Variants in EMCN observed in about 807,000 individuals in gnomAD.
EMCN encodes MUC-14.
EMCN carries 37 observed loss-of-function variants against 38.4 expected under a neutral mutation model. The ratio of observed to expected loss-of-function variants is 0.96; its 90% CI spans 0.74 to 1.27. EMCN has a LOEUF of 1.27. Ranked by LOEUF, EMCN falls within the 50% of genes most tolerant of loss-of-function variation. EMCN has a pLI of 0.00. For missense variants in EMCN, 318 were observed against 302.8 expected (o/e 1.05, Z -0.37); for synonymous variants, 95 against 100.8 (o/e 0.94, Z 0.35).
intron 1 of EMCN, among the ~76,000 whole-genome samples, chr4:100,504,759 G>T (rs971633789): frequency 6.6e-6 from 1 of 152,152 alleles, no homozygotes; most frequent in African/African-American, 2.4e-5. Flanking sequence ...AAAAACACCC[G>T]CTACTTAGCA....
At chr4:100,476,853 A>C (rs956379211) in intron 2 of EMCN, among the ~76,000 whole-genome samples, 5 of 152,242 alleles carry the variant, frequency 3.3e-5, no homozygotes, top group Non-Finnish European at 7.3e-5. Flanking sequence ...TTCATTTTCT[A>C]TTCAAATATA....
chr4:100,447,633 TCA>T, intron 4 of EMCN, 62 bp from the exon 5 acceptor site: 1 of 1,065,986 alleles, frequency 9.4e-7, no homozygotes, highest in East Asian at 2.4e-5. Context: ...AGATCTATTC[TCA>T]CAATTGTTTC....
At chr4:100,469,211 G>A (rs1728406078) in intron 3 of EMCN, among the ~76,000 whole-genome samples, 1 of 152,028 alleles carries the variant, frequency 6.6e-6, no homozygotes, top group Non-Finnish European at 1.5e-5. Context: ...ACCCTTATTT[G>A]ACACAACACA....
chr4:100,427,070 C>G (rs889995565), intron 5 of EMCN, among the ~76,000 whole-genome samples: 4 of 151,928 alleles, frequency 2.6e-5, no homozygotes, highest in African/African-American at 9.7e-5. Context: ...CACTTTGGAA[C>G]TGGTCTCTAA....
intron 1 of EMCN, among the ~76,000 whole-genome samples, chr4:100,482,319 T>C (rs116584032): frequency 0.012 from 1,757 of 152,178 alleles, 40 homozygotes; most frequent in African/African-American, 0.04. Flanking sequence ...GTGTTGTGTG[T>C]AAGTCTGCAC....
At chr4:100,506,914 C>T (rs1729493956) in intron 1 of EMCN, among the ~76,000 whole-genome samples, 1 of 152,112 alleles carries the variant, frequency 6.6e-6, no homozygotes, top group Admixed American at 6.5e-5. Context: ...AATATCATAG[C>T]TTCTGCATTT....
At chr4:100,499,640 C>CA (rs1446077093) in intron 1 of EMCN, among the ~76,000 whole-genome samples, 1 of 152,160 alleles carries the variant, frequency 6.6e-6, no homozygotes, top group Non-Finnish European at 1.5e-5. Flanking sequence ...CTTCAGAAGA[C>CA]AGCCTCGTGA....
rs144937796 is a variant in EMCN, at chr4:100,410,071, G to T, written c.*39+211C>A. 1.4e-3 allele frequency among the ~76,000 whole-genome samples: 208 copies of T among 152,318 alleles called. 1 individual carries two copies. Among genetic ancestry groups the T allele is most frequent in the African/African-American group, 4.8e-3 (198 of 41,570 alleles). On this transcript the variant is annotated intron_variant, in intron 11 of 11. Transcript: ENST00000296420. ...TGTGTCATTCCTTAGACAGGCAAGA[G>T]AATTGGACAAATCGTCTACAACCAC...
chr4:100,405,547 C>T (rs992892641), intron 11 of EMCN, among the ~76,000 whole-genome samples: 1 of 152,062 alleles, frequency 6.6e-6, no homozygotes, highest in African/African-American at 2.4e-5. Flanking sequence ...GTTGAATCAA[C>T]CTTGCATCTC....
At chr4:100,493,658 T>G (rs554197203) in intron 1 of EMCN, among the ~76,000 whole-genome samples, 3 of 152,248 alleles carry the variant, frequency 2.0e-5, no homozygotes, top group Non-Finnish European at 4.4e-5. Context: ...TAGTAGCATT[T>G]TATTTGTTTC....
At chr4:100,416,786 A>G (rs1726748089) in intron 9 of EMCN, among the ~76,000 whole-genome samples, 1 of 152,136 alleles carries the variant, frequency 6.6e-6, no homozygotes, top group Admixed American at 6.6e-5. Flanking sequence ...TAGAAGCACA[A>G]ATTTCCCTGT....
At chr4:100,475,523 A>T (rs1279986475) in intron 2 of EMCN, among the ~76,000 whole-genome samples, 1 of 151,622 alleles carries the variant, frequency 6.6e-6, no homozygotes. Context: ...CTAGAATTAC[A>T]TTTCATTTTA....
At chr4:100,476,033 G>C (rs753454805) in intron 2 of EMCN, among the ~76,000 whole-genome samples, 4 of 152,100 alleles carry the variant, frequency 2.6e-5, no homozygotes, top group Non-Finnish European at 5.9e-5. Flanking sequence ...TAGGCATTTA[G>C]TCAATGTTGT....
Position 100,473,365 on chromosome 4 carries a change from G to GGTTTTTT in EMCN, c.259+1672_259+1673insAAAAAAC, listed in dbSNP as rs1728533364. Among the ~76,000 whole-genome samples, 40 of 29,866 alleles carry GGTTTTTT rather than the reference G, an allele frequency of 1.3e-3. 1 individual carries two copies. Among genetic ancestry groups the GGTTTTTT allele is most frequent in the African/African-American group, 3.1e-3 (39 of 12,448 alleles). 19.6% of individuals were successfully genotyped at this position (29,866 alleles called of 152,430 possible). On this transcript the variant is annotated intron_variant, in intron 3 of 11. Coordinates refer to ENST00000296420, the MANE Select transcript of EMCN (RefSeq NM_016242.4). ...TTCTAATGGGCATTTCCCGTTTCGT[G>GGTTTTTT]TTTTTTTGTTTTTTTTTTTTGTTTT... is the stretch of plus-strand genomic sequence containing the variant.
chr4:100,423,319 C>T lies in EMCN; in HGVS notation c.501G>A (p.Gln167=), dbSNP rs1726945293. The change falls in exon 6 of 12, where the codon CAG becomes CAA. Residue 167 remains glutamine, a synonymous_variant. Transcript: ENST00000296420. ...GGCACACAGATATCATACCTTGAGA[C>T]TGTGAGGTGTTTTCTGGAATTGTAA... The part of the protein sequence containing the change: ...IPVTIPENTS[Q]SQVIGTEGGK... 1.9e-6 allele frequency: 3 copies of T among 1,610,522 alleles called. No individual in the cohort carries two copies. The highest frequency in any genetic ancestry group is 2.5e-6 in the Non-Finnish European group (3 of 1,177,270).
At chr4:100,399,836 G>A (rs114547472) in intron 11 of EMCN, among the ~76,000 whole-genome samples, 3,943 of 152,144 alleles carry the variant, frequency 0.026, 70 homozygotes, top group Non-Finnish European at 0.041. Context: ...TAGGTAAACT[G>A]CATGTCATGG....
At chr4:100,445,472 T>C (rs889528053) in intron 5 of EMCN, among the ~76,000 whole-genome samples, 1 of 152,152 alleles carries the variant, frequency 6.6e-6, no homozygotes, top group Non-Finnish European at 1.5e-5. Flanking sequence ...TTAAAGAAAA[T>C]ATCAAATGTG....
intron 5 of EMCN, among the ~76,000 whole-genome samples, chr4:100,432,940 C>A (rs1344299016): frequency 6.6e-6 from 1 of 152,036 alleles, no homozygotes; most frequent in Non-Finnish European, 1.5e-5. Context: ...ATGAACATAT[C>A]AATCATCTTA....
At chr4:100,502,552 AT>A (rs1396830981) in intron 1 of EMCN, among the ~76,000 whole-genome samples, 1 of 151,918 alleles carries the variant, frequency 6.6e-6, no homozygotes, top group African/African-American at 2.4e-5. Context: ...ATCAATTTTG[AT>A]TTTTTCTTTC....
Sources: allele counts gnomAD v4.1 joint callset (sites outside exome capture counted in the v4.1 genomes callset), GRCh38; gene constraint gnomAD v4.1.1; transcripts MANE v1.5; gene names NCBI Gene and HGNC (gene_info 2026-07-23, HGNC 2026-07-21).